The following PPM1D variants were observed in gnomAD, a reference collection of about 807,000 sequenced individuals.
PPM1D encodes protein phosphatase, Mg2+/Mn2+ dependent 1D.
A neutral mutation model predicts 58.3 loss-of-function variants in PPM1D; 52 were observed. That is an observed-to-expected ratio of 0.89 (90% confidence interval 0.71 to 1.12). The LOEUF (loss-of-function observed/expected upper bound fraction) is 1.12, where lower values mean the gene tolerates loss of function less well. Among genes scored for constraint, PPM1D ranks in the 50% most tolerant of loss-of-function variants. PPM1D has a pLI of 0.00. For missense variants in PPM1D, 564 were observed against 777.2 expected (o/e 0.73, Z 3.26); for synonymous variants, 278 against 285.1 (o/e 0.98, Z 0.25).
Position 60,628,883 on chromosome 17 carries a change from T to C in PPM1D, c.702-4970T>C, listed in dbSNP as rs560060160. 1.2e-3 allele frequency among the ~76,000 whole-genome samples: 187 copies of C among 152,216 alleles called. 1 individual carries two copies. The highest frequency in any genetic ancestry group is 4.2e-3 in the African/African-American group (176 of 41,538). On this transcript the variant is annotated intron_variant, in intron 2 of 5. Transcript: ENST00000305921. ...AACCACTTTGCCAGTACTCGTATGG[T>C]TTCATCATCTTTTATATTTTAATCT...
chr17:60,643,055 G>GAA (rs61233619), intron 3 of PPM1D, among the ~76,000 whole-genome samples: 7,090 of 73,612 alleles, frequency 0.096, 526 homozygotes, highest in African/African-American at 0.23. Flanking sequence ...CGTCTCAAAA[G>GAA]AAAAAAAAAA....
chr17:60,634,112 C>T, intron 3 of PPM1D, 135 bp downstream of exon 3: 4 of 1,069,368 alleles, frequency 3.7e-6, no homozygotes, highest in Non-Finnish European at 4.0e-6. Context: ...CTATTAACTG[C>T]TTTAGAACCT....
chr17:60,604,667 G>A (rs112692504), intron 1 of PPM1D: 13 of 152,200 alleles, frequency 8.5e-5, no homozygotes, highest in African/African-American at 3.1e-4. Context: ...CTGAGATGGA[G>A]GGATTGCTTG....
chr17:60,615,171 C>T (rs1202127410), intron 1 of PPM1D, among the ~76,000 whole-genome samples: 1 of 151,952 alleles, frequency 6.6e-6, no homozygotes, highest in African/African-American at 2.4e-5. Context: ...CTGAGGTGGG[C>T]AGATTGCTCG....
chr17:60,623,810 T>G, intron 2 of PPM1D, 61 bp downstream of exon 2: 1 of 1,505,334 alleles, frequency 6.6e-7, no homozygotes, highest in Non-Finnish European at 9.1e-7. Context: ...TATGCTTTAC[T>G]AATGAAATTG....
intron 3 of PPM1D, among the ~76,000 whole-genome samples, chr17:60,639,123 AT>A (rs1016408736): frequency 1.3e-5 from 2 of 151,044 alleles, no homozygotes; most frequent in African/African-American, 2.4e-5. Flanking sequence ...AAAAAAAATT[AT>A]TTTTTTTTGA....
chr17:60,622,818 C>T (rs1161614066), intron 1 of PPM1D, among the ~76,000 whole-genome samples: 3 of 152,116 alleles, frequency 2.0e-5, no homozygotes, highest in Non-Finnish European at 2.9e-5. Context: ...CAAATCAAGC[C>T]GAGTGCGGTG....
intron 3 of PPM1D, among the ~76,000 whole-genome samples, chr17:60,645,993 A>G (rs1284635429): frequency 2.6e-5 from 4 of 152,004 alleles, no homozygotes; most frequent in Admixed American, 2.6e-4. Context: ...AAAATAAATT[A>G]GCTGGGCCTG....
chr17:60,645,462 G>A (rs1003910616), intron 3 of PPM1D, among the ~76,000 whole-genome samples: 6 of 138,990 alleles, frequency 4.3e-5, no homozygotes, highest in African/African-American at 1.7e-4. Context: ...ATATATGTGT[G>A]TGTGTGTGTG....
chr17:60,656,493 T>C, intron 4 of PPM1D, 106 bp from the exon 5 acceptor site: 1 of 1,439,806 alleles, frequency 6.9e-7, no homozygotes, highest in South Asian at 1.5e-5. Context: ...AATTGGGAGC[T>C]TTGTTTGGGC....
intron 4 of PPM1D, among the ~76,000 whole-genome samples, chr17:60,651,451 G>A (rs1187749015): frequency 6.7e-6 from 1 of 149,456 alleles, no homozygotes; most frequent in Non-Finnish European, 1.5e-5. Flanking sequence ...AGGCTGGAGT[G>A]CAGTGGCGCG....
intron 2 of PPM1D, among the ~76,000 whole-genome samples, chr17:60,628,600 T>A (rs1043444486): frequency 6.6e-6 from 1 of 152,226 alleles, no homozygotes; most frequent in African/African-American, 2.4e-5. Context: ...GTTGGAACCA[T>A]ATAGTATGTA....
chr17:60,601,411 T>C (rs2030208518), intron 1 of PPM1D, among the ~76,000 whole-genome samples: 1 of 152,202 alleles, frequency 6.6e-6, no homozygotes, highest in Non-Finnish European at 1.5e-5. Flanking sequence ...TTAGAAGGGC[T>C]GAAACGTAAC....
intron 2 of PPM1D, among the ~76,000 whole-genome samples, chr17:60,626,715 A>AT (rs1567969116): frequency 6.6e-6 from 1 of 151,974 alleles, no homozygotes; most frequent in Non-Finnish European, 1.5e-5. Flanking sequence ...TTAAAAAAAA[A>AT]TTTTAAGAAA....
chr17:60,637,071 C>T (rs2031037890), intron 3 of PPM1D, among the ~76,000 whole-genome samples: 1 of 150,842 alleles, frequency 6.6e-6, no homozygotes, highest in Non-Finnish European at 1.5e-5. Flanking sequence ...TGGGTTCAAG[C>T]AATTCTGCTG....
intron 1 of PPM1D, among the ~76,000 whole-genome samples, chr17:60,602,205 G>T (rs926101000): frequency 2.6e-5 from 4 of 152,142 alleles, no homozygotes; most frequent in African/African-American, 9.7e-5. Flanking sequence ...TGTAGGCACC[G>T]TAGAGCTGAA....
rs541352739 is a variant in PPM1D at position 60,645,363 on chromosome 17, G to T, written c.827-2529G>T. Among the ~76,000 whole-genome samples, 8 of 150,664 alleles carry T rather than the reference G, an allele frequency of 5.3e-5. No individual in the cohort carries two copies. In the South Asian group the frequency reaches 1.5e-3, roughly 28 times the overall value. ...GAGCGAAACTCCATCTCAAAAAAAA[G>T]AAAAAGATATTGGAGACTAGTGATT... On this transcript the variant is annotated intron_variant, in intron 3 of 5. Coordinates refer to ENST00000305921, the MANE Select transcript of PPM1D (RefSeq NM_003620.4).
intron 1 of PPM1D, among the ~76,000 whole-genome samples, chr17:60,620,252 C>A (rs2030673135): frequency 6.6e-6 from 1 of 152,000 alleles, no homozygotes; most frequent in African/African-American, 2.4e-5. Flanking sequence ...CCACTTCGGC[C>A]TCCCAGAGTG....
chr17:60,650,701 A>T (rs2031328030), intron 4 of PPM1D, among the ~76,000 whole-genome samples: 1 of 152,234 alleles, frequency 6.6e-6, no homozygotes, highest in Non-Finnish European at 1.5e-5. Context: ...GACATTATTT[A>T]GGGAGAGATG....
Sources: gnomAD v4.1 joint callset for allele counts (sites outside exome capture counted in the v4.1 genomes callset) on GRCh38, gnomAD v4.1.1 for gene constraint, MANE v1.5 for transcripts, NCBI Gene and HGNC (gene_info 2026-07-23, HGNC 2026-07-21) for gene names.